Variants in UNC13C observed in about 807,000 individuals in gnomAD.
UNC13C encodes the protein unc-13 homolog C.
Under a neutral mutation model 245.4 loss-of-function variants are expected in UNC13C, and 174 were observed. That is an observed-to-expected ratio of 0.71 (90% CI 0.63 to 0.80). UNC13C has a LOEUF of 0.80. Ranked by LOEUF, UNC13C falls within the 30% of genes least tolerant of loss-of-function variation. The probability of loss-of-function intolerance (pLI) is 0.00; values close to 1 mark genes in which losing one functional copy is unlikely to be tolerated. For missense variants in UNC13C, 2,829 were observed against 2,602.9 expected (o/e 1.09, Z -1.89); for synonymous variants, 992 against 895.1 (o/e 1.11, Z -1.93).
At chr15:54,199,785 A>G (rs553053815) in intron 4 of UNC13C, among the ~76,000 whole-genome samples, 8 of 152,254 alleles carry the variant, frequency 5.3e-5, no homozygotes, top group African/African-American at 1.9e-4. Flanking sequence ...CAATGAAAAC[A>G]AAAACCAAGG....
chr15:54,116,194 C>T (rs930906434), intron 2 of UNC13C, among the ~76,000 whole-genome samples: 2 of 151,988 alleles, frequency 1.3e-5, no homozygotes, highest in African/African-American at 4.8e-5. Flanking sequence ...TAATCTAGCA[C>T]TTTTCTTTAA....
chr15:54,052,850 A>C (rs1460811292), intron 2 of UNC13C, among the ~76,000 whole-genome samples: 1 of 152,240 alleles, frequency 6.6e-6, no homozygotes, highest in Non-Finnish European at 1.5e-5. Context: ...GTATCCAGTG[A>C]CAGAAATAGT....
At chr15:54,443,216 G>A (rs1215031658) in intron 19 of UNC13C, among the ~76,000 whole-genome samples, 1 of 152,020 alleles carries the variant, frequency 6.6e-6, no homozygotes, top group Non-Finnish European at 1.5e-5. Flanking sequence ...GTTCATAATA[G>A]TCTCTGATGA....
chr15:54,122,964 A>G (rs1243369788), intron 2 of UNC13C, among the ~76,000 whole-genome samples: 1 of 152,030 alleles, frequency 6.6e-6, no homozygotes, highest in Non-Finnish European at 1.5e-5. Context: ...TTTTCTTTCT[A>G]GTAGTGGAAT....
In UNC13C at chr15:54,383,061, A is replaced by G. The variant is rs138523353; in HGVS notation, c.4714-9987A>G. 6.7e-3 allele frequency among the ~76,000 whole-genome samples: 1,015 copies of G among 152,302 alleles called. 17 individuals are homozygous for G. The highest frequency in any genetic ancestry group is 0.024 in the African/African-American group (979 of 41,568). On this transcript the variant is annotated intron_variant, in intron 17 of 32. Coordinates refer to ENST00000260323, the MANE Select transcript of UNC13C (RefSeq NM_001080534.3). ...ACATTGAATCAGTAATGGAAATTCT[A>G]TGAACAAATAAAAGCTCAGGACAGG... is the stretch of plus-strand genomic sequence containing the variant.
chr15:54,404,365 G>T lies in UNC13C; in HGVS notation c.4848-10617G>T, dbSNP rs184996887. On this transcript the variant is annotated intron_variant, in intron 18 of 32. Coordinates refer to ENST00000260323, the MANE Select transcript of UNC13C (RefSeq NM_001080534.3). ...TTTTCCTCATTTCACTAAGAAATTT[G>T]CAAGATAATAAATTGGATTATTAAA... is the stretch of plus-strand genomic sequence containing the variant. Among the ~76,000 whole-genome samples, 676 of 152,200 alleles carry T rather than the reference G, an allele frequency of 4.4e-3. 2 individuals are homozygous for T. The highest frequency in any genetic ancestry group is 7.5e-3 in the Non-Finnish European group (511 of 67,954).
intron 19 of UNC13C, among the ~76,000 whole-genome samples, chr15:54,465,139 G>T (rs1485265077): frequency 6.6e-6 from 1 of 151,894 alleles, no homozygotes; most frequent in African/African-American, 2.4e-5. Context: ...AAGAAGTAAT[G>T]AATAAAACTA....
At chr15:54,116,380 A>G (rs28709868) in intron 2 of UNC13C, among the ~76,000 whole-genome samples, 36,442 of 151,948 alleles carry the variant, frequency 0.24, 5,036 homozygotes, top group African/African-American at 0.37. Flanking sequence ...TTTTTTGTCT[A>G]TCTAACTCTA....
intron 17 of UNC13C, among the ~76,000 whole-genome samples, chr15:54,358,177 T>C (rs1427657722): frequency 6.6e-6 from 1 of 151,986 alleles, no homozygotes; most frequent in Admixed American, 6.6e-5. Flanking sequence ...CTTTGGCCAA[T>C]GTGTCTGTTT....
chr15:54,629,521 A>AAAT (rs1172548789), downstream of UNC13C: 2 of 152,202 alleles, frequency 1.3e-5, no homozygotes, highest in African/African-American at 4.8e-5. Flanking sequence ...ATGACGAGGA[A>AAAT]AATAAGGATG....
chr15:54,540,685 C>T (rs1896203981), intron 26 of UNC13C, among the ~76,000 whole-genome samples: 3 of 152,168 alleles, frequency 2.0e-5, no homozygotes, highest in South Asian at 4.2e-4. Flanking sequence ...CTTTATGTTG[C>T]ACTTTCTCCA....
At chr15:53,983,421 T>A (rs2725588) in intron 1 of UNC13C, among the ~76,000 whole-genome samples, 34,258 of 151,830 alleles carry the variant, frequency 0.23, 4,608 homozygotes, top group South Asian at 0.3. Context: ...TTATATTTCC[T>A]TGTCACTTTC....
At position 54,494,623 on chromosome 15, in the gene UNC13C, G is replaced by T; in HGVS notation, c.4949G>T (p.Arg1650Leu). ...TCTGTTATAGAACATGAAAATCAGC[G>T]GTTATGCAAGAGCACCGATTATATG... Reference protein sequence around the residue: ...KYALEEHENQRLCKSTDYMNL... With the variant: ...KYALEEHENQLLCKSTDYMNL... The change falls in exon 20 of 33, where the codon CGG (arginine) becomes CTG (leucine). Residue 1650 changes from arginine (R) to leucine (L), a missense_variant. Physicochemically the swap from Arg to Leu is moderately radical, Grantham distance 102 (BLOSUM62 -2). Coordinates refer to ENST00000260323, the MANE Select transcript of UNC13C (RefSeq NM_001080534.3). 4 of 1,607,100 alleles carry T rather than the reference G, an allele frequency of 2.5e-6. No individual in the cohort carries two copies. Among genetic ancestry groups the T allele is most frequent in the South Asian group, 1.1e-5 (1 of 89,290 alleles).
intron 12 of UNC13C, among the ~76,000 whole-genome samples, chr15:54,298,712 T>C (rs2037499008): frequency 6.6e-6 from 1 of 152,136 alleles, no homozygotes; most frequent in African/African-American, 2.4e-5. Context: ...CAAATGTTTG[T>C]CGCTGAGAGC....
intron 26 of UNC13C, among the ~76,000 whole-genome samples, chr15:54,540,325 G>C (rs1896187352): frequency 6.6e-6 from 1 of 151,918 alleles, no homozygotes; most frequent in East Asian, 1.9e-4. Context: ...AAACAACTAG[G>C]TAAATTTTCA....
At chr15:54,048,755 T>C in intron 2 of UNC13C, 1 of 269,738 alleles carries the variant, frequency 3.7e-6, no homozygotes, top group Non-Finnish European at 7.5e-6. Flanking sequence ...CAGGATATGG[T>C]GATACACTGA....
Position 54,533,067 on chromosome 15 carries a change from G to T in UNC13C, c.5696+1G>T. The T allele has an allele frequency of 6.3e-7, 1 of 1,584,514 alleles. No individual in the cohort carries two copies. Among genetic ancestry groups the T allele is most frequent in the Non-Finnish European group, 8.6e-7 (1 of 1,165,046 alleles). On this transcript the variant is annotated splice_donor_variant, in intron 26 of 32. Coordinates refer to ENST00000260323, the MANE Select transcript of UNC13C (RefSeq NM_001080534.3). LOFTEE classifies it high-confidence loss of function. ...CTCTTATGGATTTTTTGGACAAAAC[G>T]TAAGTTTTTTTGCCCAGTTTTCTCT...
upstream of UNC13C, among the ~76,000 whole-genome samples, chr15:53,976,475 C>CTTTTTTT (rs879775519): frequency 2.0e-3 from 126 of 63,712 alleles, 5 homozygotes; most frequent in African/African-American, 4.3e-3. Context: ...CTCTCTCTCT[C>CTTTTTTT]TCTTTTTTTT....
chr15:54,576,629 A>T (rs972277120), intron 30 of UNC13C, among the ~76,000 whole-genome samples: 9 of 152,180 alleles, frequency 5.9e-5, no homozygotes. Flanking sequence ...TCCTGCTTCC[A>T]GGACACTCTT....
Sources: gnomAD v4.1 joint callset for allele counts (sites outside exome capture counted in the v4.1 genomes callset) on GRCh38, gnomAD v4.1.1 for gene constraint, MANE v1.5 for transcripts, NCBI Gene and HGNC (gene_info 2026-07-23, HGNC 2026-07-21) for gene names.